The following CCDC192 variants were observed in gnomAD, a reference collection of about 807,000 sequenced individuals.
The protein encoded by CCDC192 is coiled-coil domain containing 192.
chr5:127,771,126 G>A (rs1338189751), intron 3 of CCDC192, among the ~76,000 whole-genome samples: 1 of 152,154 alleles, frequency 6.6e-6, no homozygotes, highest in Non-Finnish European at 1.5e-5. Flanking sequence ...GGAAGATGAA[G>A]TGCCTTACTA....
At chr5:127,884,239 A>T (rs1580793190) in intron 6 of CCDC192, among the ~76,000 whole-genome samples, 1 of 147,658 alleles carries the variant, frequency 6.8e-6, no homozygotes, top group African/African-American at 2.5e-5. Flanking sequence ...GCTACTCGGG[A>T]GGCTGAGGCA....
intron 5 of CCDC192, among the ~76,000 whole-genome samples, chr5:127,846,487 G>A (rs1750545705): frequency 6.6e-6 from 1 of 151,498 alleles, no homozygotes; most frequent in Non-Finnish European, 1.5e-5. Context: ...TTTTTATTTT[G>A]AGAAGGAGTT....
intron 6 of CCDC192, among the ~76,000 whole-genome samples, chr5:127,910,856 A>G (rs1010715271): frequency 6.6e-6 from 1 of 152,194 alleles, no homozygotes; most frequent in Non-Finnish European, 1.5e-5. Context: ...AGAGAGAAGC[A>G]TATTTCCTTT....
In CCDC192 at chr5:127,743,204, G is replaced by A. The variant is rs146903931; in HGVS notation, c.115-11064G>A. ...CAAGACTGCCTAGACATAGTTGGCC[G>A]TGGCTGTGTTCCTCTCCTCAAGCTT... On this transcript the variant is annotated intron_variant, in intron 2 of 6. Transcript: ENST00000514853. 3.6e-3 allele frequency among the ~76,000 whole-genome samples: 544 copies of A among 151,834 alleles called. 3 individuals carry two copies. Among genetic ancestry groups the A allele is most frequent in the Middle Eastern group, 6.8e-3 (2 of 294 alleles).
At chr5:127,717,928 C>CAAAAAAAAAAAAA in intron 2 of CCDC192, among the ~76,000 whole-genome samples, 4 of 98,070 alleles carry the variant, frequency 4.1e-5, no homozygotes, top group East Asian at 2.9e-4. Context: ...TAAAGCTAGA[C>CAAAAAAAAAAAAA]AAAAAAAAAA....
chr5:127,777,314 T>C (rs994900058), intron 3 of CCDC192, among the ~76,000 whole-genome samples: 1 of 152,214 alleles, frequency 6.6e-6, no homozygotes, highest in African/African-American at 2.4e-5. Context: ...GGATTTCAGA[T>C]CTGCCTGGGA....
At chr5:127,939,787 C>A (rs1754323285) in intron 6 of CCDC192, among the ~76,000 whole-genome samples, 1 of 151,726 alleles carries the variant, frequency 6.6e-6, no homozygotes, top group Non-Finnish European at 1.5e-5. Flanking sequence ...GTATCTGAGA[C>A]TGACAGTAAT....
In CCDC192 at chr5:127,718,327, C is replaced by T. The variant is rs184696594; in HGVS notation, c.114+10567C>T. ...AGACAGAATGTTTTTCAGAATTTCC[C>T]CAAGAGGCACCAGTGGTGCAAAGAA... On this transcript the variant is annotated intron_variant, in intron 2 of 6. Coordinates refer to ENST00000514853, the MANE Select transcript of CCDC192 (RefSeq NM_001317938.2). Among the ~76,000 whole-genome samples the T allele has an allele frequency of 3.1e-3, 478 of 152,262 alleles. 2 individuals are homozygous for T. Among genetic ancestry groups the T allele is most frequent in the African/African-American group, 0.011 (459 of 41,548 alleles).
At chr5:127,717,233 A>G (rs186873816) in intron 2 of CCDC192, among the ~76,000 whole-genome samples, 338 of 152,296 alleles carry the variant, frequency 2.2e-3, no homozygotes, top group African/African-American at 7.5e-3. Flanking sequence ...TTAAGAATTT[A>G]CTTTTTGCCA....
chr5:127,911,483 G>A (rs192843025), intron 6 of CCDC192, among the ~76,000 whole-genome samples: 49 of 152,216 alleles, frequency 3.2e-4, no homozygotes, highest in African/African-American at 1.1e-3. Context: ...GTGATCAAAA[G>A]AAGCTGAAAA....
intron 2 of CCDC192, among the ~76,000 whole-genome samples, chr5:127,732,617 G>C (rs1019819798): frequency 6.6e-6 from 1 of 152,128 alleles, no homozygotes; most frequent in East Asian, 1.9e-4. Flanking sequence ...TGATAGACTG[G>C]ATAAAGAAAA....
intron 2 of CCDC192, among the ~76,000 whole-genome samples, chr5:127,744,587 A>G (rs1408271803): frequency 1.3e-5 from 2 of 152,190 alleles, no homozygotes; most frequent in Non-Finnish European, 2.9e-5. Context: ...CCACACTTTT[A>G]TTTAAAAATC....
At chr5:127,845,663 G>A (rs1750500040) in intron 5 of CCDC192, among the ~76,000 whole-genome samples, 1 of 152,140 alleles carries the variant, frequency 6.6e-6, no homozygotes. Flanking sequence ...TGTCATAAAT[G>A]AAGATTCTAT....
intron 5 of CCDC192, among the ~76,000 whole-genome samples, chr5:127,868,009 C>CTTTTTTTTTTT (rs11440985): frequency 7.5e-6 from 1 of 133,486 alleles, no homozygotes; most frequent in African/African-American, 2.7e-5. Context: ...TTTTCTTTTT[C>CTTTTTTTTTTT]TTTTTTTTTT....
intron 6 of CCDC192, among the ~76,000 whole-genome samples, chr5:127,915,498 C>T (rs1753494734): frequency 6.6e-6 from 1 of 152,242 alleles, no homozygotes; most frequent in South Asian, 2.1e-4. Flanking sequence ...TCTCCTGCCT[C>T]AGCCTCCCGA....
At chr5:127,772,694 G>A (rs546925253) in intron 3 of CCDC192, among the ~76,000 whole-genome samples, 168 of 152,166 alleles carry the variant, frequency 1.1e-3, no homozygotes, top group African/African-American at 3.8e-3. Context: ...TTGCATACCC[G>A]TGTCAGAAAT....
intron 2 of CCDC192, among the ~76,000 whole-genome samples, chr5:127,752,065 C>G (rs1384027578): frequency 6.6e-6 from 1 of 152,040 alleles, no homozygotes; most frequent in Non-Finnish European, 1.5e-5. Context: ...TTTGAACGTC[C>G]TCCCGTAGCT....
chr5:127,723,702 G>T (rs906843151), intron 2 of CCDC192, among the ~76,000 whole-genome samples: 3 of 152,206 alleles, frequency 2.0e-5, no homozygotes, highest in Non-Finnish European at 4.4e-5. Flanking sequence ...GGGGAAGTTG[G>T]CAGAGAATGC....
At chr5:127,814,564 T>C (rs1411991582) in intron 5 of CCDC192, among the ~76,000 whole-genome samples, 3 of 152,260 alleles carry the variant, frequency 2.0e-5, no homozygotes, top group African/African-American at 7.2e-5. Flanking sequence ...TTAATGCTTA[T>C]AAATGTGTAG....
Sources: gnomAD v4.1 joint callset for allele counts (sites outside exome capture counted in the v4.1 genomes callset) on GRCh38, gnomAD v4.1.1 for gene constraint, MANE v1.5 for transcripts, NCBI Gene and HGNC (gene_info 2026-07-23, HGNC 2026-07-21) for gene names.